Variants in TMPRSS9 observed in about 807,000 individuals in gnomAD.
TMPRSS9 encodes the protein transmembrane serine protease 9, also known as transmembrane protease serine 9.
In TMPRSS9, 113 loss-of-function variants were observed where a neutral mutation model predicts 111.4. The observed-to-expected ratio is 1.01, with a 90% confidence interval of 0.87 to 1.19. The LOEUF (loss-of-function observed/expected upper bound fraction) is 1.19. Among genes scored for constraint, TMPRSS9 ranks in the 50% most tolerant of loss-of-function variants. The probability of loss-of-function intolerance (pLI) is 0.00; values close to 1 mark genes in which losing one functional copy is unlikely to be tolerated. For synonymous variants in TMPRSS9, 805 were observed against 659.1 expected, an observed-to-expected ratio of 1.22 and a Z score of -3.39; for missense variants, 1,803 against 1,513.1, an observed-to-expected ratio of 1.19 and a Z score of -3.18.
intron 1 of TMPRSS9, among the ~76,000 whole-genome samples, chr19:2,372,248 G>T (rs894720263): frequency 1.3e-5 from 2 of 152,096 alleles, no homozygotes; most frequent in African/African-American, 4.8e-5. Flanking sequence ...ACGCAGGCGG[G>T]CGAGTCTCCT....
chr19:2,410,298 G>T (rs754441879), exon 9 of TMPRSS9: 1 of 1,614,042 alleles, frequency 6.2e-7, no homozygotes, highest in Non-Finnish European at 8.5e-7. Context: ...CTGTGGAGCT[G>T]CTGGACCAGG....
At chr19:2,424,942 A>AGGGGCG (rs1291514887) in intron 15 of TMPRSS9, 60 bp from the exon 17 acceptor site, 1 of 1,388,070 alleles carries the variant, frequency 7.2e-7, no homozygotes, top group Non-Finnish European at 9.3e-7. Flanking sequence ...GGGACACCAC[A>AGGGGCG]GGGGCGGGGG....
chr19:2,398,373 CTG>C (rs1266550367), intron 2 of TMPRSS9, among the ~76,000 whole-genome samples: 3 of 150,660 alleles, frequency 2.0e-5, no homozygotes, highest in Admixed American at 6.6e-5. Flanking sequence ...AATCCTAGCA[CTG>C]TGGAAAACCA....
exon 8 of TMPRSS9, chr19:2,408,452 C>G (rs1971018492): frequency 6.2e-7 from 1 of 1,613,918 alleles, no homozygotes; most frequent in Non-Finnish European, 8.5e-7. Context: ...TCCAGATCGT[C>G]AAGCACCCCC....
At chr19:2,416,454 G>A (rs1971232613) in intron 11 of TMPRSS9, 84 bp from the exon 13 acceptor site, 1 of 1,516,222 alleles carries the variant, frequency 6.6e-7, no homozygotes, top group Non-Finnish European at 8.8e-7. Flanking sequence ...GTGGCTTCCT[G>A]GGGGTGTGCA....
rs1172853195 is a variant in TMPRSS9 at position 2,418,023 on chromosome 19, A to G, written c.2039A>G (p.Gln680Arg). 1.2e-6 allele frequency: 2 copies of G among 1,611,668 alleles called. No homozygotes were observed. The highest frequency in any genetic ancestry group is 1.7e-5 in the Admixed American group (1 of 59,480). Residue 680 changes from glutamine to arginine, a missense_variant, in exon 13 of 18, where the codon CAG becomes CGG. Transcript: ENST00000648592. Reference sequence around the variant, plus strand: ...GTAGCCACCAAGCCCGAGCTCCTGCAGAAGGCGTCCGTGGGCATCATAGAC... The same window carrying G: ...GTAGCCACCAAGCCCGAGCTCCTGCGGAAGGCGTCCGTGGGCATCATAGAC...
At chr19:2,420,519 A>G (rs58617887) in intron 13 of TMPRSS9, among the ~76,000 whole-genome samples, 11,962 of 152,124 alleles carry the variant, frequency 0.079, 654 homozygotes, top group East Asian at 0.26. Flanking sequence ...TAATCAATAC[A>G]AAATATCAAT....
At chr19:2,362,083 T>C (rs986473145) in intron 1 of TMPRSS9, among the ~76,000 whole-genome samples, 2 of 152,056 alleles carry the variant, frequency 1.3e-5, no homozygotes, top group Admixed American at 1.3e-4. Flanking sequence ...ATGTGATTTG[T>C]GTGTGATTGT....
chr19:2,391,329 AG>A (rs1970588044), intron 1 of TMPRSS9, among the ~76,000 whole-genome samples: 1 of 150,192 alleles, frequency 6.7e-6, no homozygotes, highest in Non-Finnish European at 1.5e-5. Flanking sequence ...GTGGCAAAAT[AG>A]TAAGTTCGCG....
At chr19:2,393,633 C>T (rs139849231) in intron 1 of TMPRSS9, among the ~76,000 whole-genome samples, 168 of 152,228 alleles carry the variant, frequency 1.1e-3, no homozygotes, top group African/African-American at 3.9e-3. Flanking sequence ...GGCATAGTAG[C>T]TCACCCCGGT....
exon 14 of TMPRSS9, chr19:2,421,986 G>A: frequency 6.2e-7 from 1 of 1,613,158 alleles, no homozygotes; most frequent in East Asian, 2.2e-5. Context: ...CAGGCTAAAG[G>A]GCTGGATCCT....
At chr19:2,413,731 A>T (rs774731201) in exon 10 of TMPRSS9, 1 of 1,612,604 alleles carries the variant, frequency 6.2e-7, no homozygotes, top group Non-Finnish European at 8.5e-7. Flanking sequence ...GTCTGCGAGG[A>T]GCCCTCTGGC....
intron 1 of TMPRSS9, among the ~76,000 whole-genome samples, chr19:2,395,018 C>T (rs1970678276): frequency 1.3e-5 from 2 of 152,028 alleles, no homozygotes; most frequent in African/African-American, 4.8e-5. Flanking sequence ...TGGTGGCTCA[C>T]GCCTGTCATC....
intron 11 of TMPRSS9, 45 bp from the exon 13 acceptor site, chr19:2,416,493 G>A (rs780471176): frequency 1.3e-6 from 2 of 1,570,930 alleles, no homozygotes; most frequent in South Asian, 1.1e-5. Context: ...AAGAAGGCGG[G>A]CATGTGCTGG....
intron 17 of TMPRSS9, 52 bp downstream of exon 18, chr19:2,425,545 G>A: frequency 2.7e-6 from 4 of 1,472,740 alleles, no homozygotes; most frequent in Admixed American, 2.5e-5. Context: ...CGCCGGGGAG[G>A]GCGGGTTCCC....
chr19:2,382,422 G>A (rs962831671), intron 1 of TMPRSS9, among the ~76,000 whole-genome samples: 8 of 152,132 alleles, frequency 5.3e-5, no homozygotes, highest in Non-Finnish European at 1.2e-4. Flanking sequence ...GTGAGCCACC[G>A]CGCCCGGTCA....
At chr19:2,376,954 G>A (rs1362521889) in intron 1 of TMPRSS9, among the ~76,000 whole-genome samples, 1 of 152,022 alleles carries the variant, frequency 6.6e-6, no homozygotes, top group Non-Finnish European at 1.5e-5. Context: ...TCGCGCCGGG[G>A]CAGAGGCACA....
exon 18 of TMPRSS9, chr19:2,426,024 T>C (rs1310251409): frequency 6.2e-7 from 1 of 1,608,526 alleles, no homozygotes; most frequent in South Asian, 1.1e-5. Context: ...CGGCCCCACT[T>C]CCCAGGTGTC....
At chr19:2,400,378 C>T (rs902188165) in intron 4 of TMPRSS9, among the ~76,000 whole-genome samples, 2 of 151,740 alleles carry the variant, frequency 1.3e-5, no homozygotes, top group Admixed American at 6.6e-5. Flanking sequence ...CCCGTCTCTA[C>T]TAAAAATACA....
Sources: gnomAD v4.1 joint callset for allele counts (sites outside exome capture counted in the v4.1 genomes callset) on GRCh38, gnomAD v4.1.1 for gene constraint, MANE v1.5 for transcripts, NCBI Gene and HGNC (gene_info 2026-07-23, HGNC 2026-07-21) for gene names.